Variants in ALDOB observed in about 807,000 individuals in gnomAD.
ALDOB encodes the protein fructose-bisphosphate aldolase B.
Under a neutral mutation model 41.0 loss-of-function variants are expected in ALDOB, and 39 were observed. The ratio of observed to expected loss-of-function variants is 0.95; its 90% CI spans 0.74 to 1.24. The LOEUF is 1.24. Ranked by LOEUF, ALDOB falls within the 50% of genes most tolerant of loss-of-function variation. The pLI is 0.00. For synonymous variants in ALDOB, 175 were observed against 168.8 expected, an observed-to-expected ratio of 1.04 and a Z score of -0.28; for missense variants, 530 against 457.3, an observed-to-expected ratio of 1.16 and a Z score of -1.45.
rs772436722 is a variant in ALDOB at position 101,429,883 on chromosome 9, C to A, written c.196G>T (p.Val66Leu). The change falls in exon 3 of 9, where the codon GTG becomes TTG. Residue 66 changes from valine to leucine, a missense_variant. Coordinates refer to ENST00000647789, the MANE Select transcript of ALDOB (RefSeq NM_000035.4). Reference sequence around the variant, plus strand: ...ATGCTCTGGTTGATGGAACTGTCCACAGAGAAGAGGATTTCTCGGAACTGC... The same window carrying A: ...ATGCTCTGGTTGATGGAACTGTCCAAAGAGAAGAGGATTTCTCGGAACTGC... ...RRQFREILFS[V>L]DSSINQSIGG... 1.2e-6 allele frequency: 2 copies of A among 1,614,006 alleles called. No individual in the cohort carries two copies. Among genetic ancestry groups the A allele is most frequent in the African/African-American group, 2.7e-5 (2 of 74,900 alleles).
At chr9:101,431,026 G>A (rs1339415056) in intron 1 of ALDOB, 129 bp from the exon 2 acceptor site, 4 of 711,614 alleles carry the variant, frequency 5.6e-6, no homozygotes, top group Non-Finnish European at 1.0e-5. Context: ...TTCCACAGGT[G>A]GATAAGCAAA....
intron 4 of ALDOB, 24 bp from the exon 5 acceptor site, chr9:101,427,666 G>A (rs1182437292): frequency 6.2e-7 from 1 of 1,613,590 alleles, no homozygotes; most frequent in Admixed American, 1.7e-5. Context: ...AAGAGAGAAA[G>A]GCTTCTTTGT....
chr9:101,428,194 T>C (rs1026807942), intron 4 of ALDOB, among the ~76,000 whole-genome samples: 14 of 152,182 alleles, frequency 9.2e-5, no homozygotes, highest in African/African-American at 3.4e-4. Context: ...TTGTCCAAGG[T>C]ACTGTGGTAA....
chr9:101,424,393 T>C (rs749805245), intron 8 of ALDOB, among the ~76,000 whole-genome samples: 6 of 152,158 alleles, frequency 3.9e-5, no homozygotes, highest in Non-Finnish European at 5.9e-5. Flanking sequence ...TACTCCAGCC[T>C]GGGTGACAGA....
At chr9:101,428,318 G>A in intron 4 of ALDOB, 151 bp downstream of exon 4, 3 of 753,754 alleles carry the variant, frequency 4.0e-6, no homozygotes, top group Non-Finnish European at 7.2e-6. Context: ...GGTCACAGTT[G>A]TTAAATGGAG....
intron 5 of ALDOB, among the ~76,000 whole-genome samples, 159 bp downstream of exon 5, chr9:101,427,323 C>T (rs1280128311): frequency 6.6e-6 from 1 of 152,150 alleles, no homozygotes; most frequent in East Asian, 1.9e-4. Context: ...CAAATCTTTC[C>T]CTACCACAGT....
intron 5 of ALDOB, among the ~76,000 whole-genome samples, chr9:101,426,897 T>C (rs1831138629): frequency 2.0e-5 from 3 of 152,184 alleles, no homozygotes; most frequent in Admixed American, 2.0e-4. Flanking sequence ...TAAGCATAAA[T>C]CATTAAGAAA....
chr9:101,428,381 G>C, intron 4 of ALDOB, 88 bp downstream of exon 4: 1 of 1,196,218 alleles, frequency 8.4e-7, no homozygotes, highest in Non-Finnish European at 1.3e-6. Flanking sequence ...TGTAATAGTT[G>C]TGTTTTGTTT....
Position 101,425,577 on chromosome 9 carries a change from C to A in ALDOB, c.675G>T (p.Glu225Asp), listed in dbSNP as rs1305959259. 6 of 1,613,978 alleles carry A rather than the reference C, an allele frequency of 3.7e-6. No homozygotes were observed. The highest frequency in any genetic ancestry group is 5.1e-6 in the Non-Finnish European group (6 of 1,180,026). ...KALNDHHVYLEGTLLKPNMVT... is the reference protein window; with the variant it reads ...KALNDHHVYLDGTLLKPNMVT... Reference sequence around the variant, plus strand: ...CCATGTTGGGCTTTAGCAGGGTGCCCTCCAGGTAAACATGATGGTCATTCA... The same window carrying A: ...CCATGTTGGGCTTTAGCAGGGTGCCATCCAGGTAAACATGATGGTCATTCA... The change falls in exon 7 of 9, where the codon GAG becomes GAT. Residue 225 changes from glutamate (E) to aspartate (D), a missense_variant. Coordinates refer to ENST00000647789, the MANE Select transcript of ALDOB (RefSeq NM_000035.4).
chr9:101,422,002 A>C (rs768970174), intron 8 of ALDOB, 98 bp from the exon 9 acceptor site: 70 of 1,008,496 alleles, frequency 6.9e-5, no homozygotes, highest in Non-Finnish European at 9.9e-5. Flanking sequence ...ACCTTCACTC[A>C]GATTTTCTTC....
In ALDOB at chr9:101,429,914, G is replaced by T. The variant is rs759273480; in HGVS notation, c.165C>A (p.Asn55Lys). The change falls in exon 3 of 9, where the codon AAC becomes AAA. Residue 55 changes from asparagine (N) to lysine (K), a missense_variant. Physicochemically the swap from Asn to Lys is moderately conservative, Grantham distance 94 (BLOSUM62 0). Coordinates refer to ENST00000647789, the MANE Select transcript of ALDOB (RefSeq NM_000035.4). ...AGAGGATTTCTCGGAACTGCCGGCG[G>T]TTCTCTTCAGTGTTTTCCACCTTGA... ...QRIKVENTEE[N>K]RRQFREILFS... The T allele has an allele frequency of 1.2e-6, 2 of 1,614,102 alleles. No homozygotes were observed. Among genetic ancestry groups the T allele is most frequent in the Non-Finnish European group, 1.7e-6 (2 of 1,180,032 alleles).
intron 1 of ALDOB, among the ~76,000 whole-genome samples, chr9:101,434,551 C>A (rs887246268): frequency 2.0e-5 from 3 of 152,166 alleles, no homozygotes; most frequent in Admixed American, 6.5e-5. Flanking sequence ...ATTGATAGCC[C>A]ATGATTTCTA....
chr9:101,430,202 C>T (rs907363743), intron 2 of ALDOB, among the ~76,000 whole-genome samples: 3 of 152,198 alleles, frequency 2.0e-5, no homozygotes, highest in Non-Finnish European at 2.9e-5. Flanking sequence ...AAGCCACCCT[C>T]AGGTCCAGGT....
intron 8 of ALDOB, among the ~76,000 whole-genome samples, chr9:101,424,540 A>G (rs1163016713): frequency 6.6e-6 from 1 of 152,128 alleles, no homozygotes; most frequent in Non-Finnish European, 1.5e-5. Flanking sequence ...TCTCTTCTTC[A>G]TCTTCCCAAA....
At position 101,421,797 on chromosome 9, in the gene ALDOB, G is replaced by A. The variant is rs201867948; in HGVS notation, c.*12C>T. 1,807 of 1,612,230 alleles carry A rather than the reference G, an allele frequency of 1.1e-3. 24 individuals carry two copies. Among genetic ancestry groups the A allele is most frequent in the Middle Eastern group, 5.9e-3 (36 of 6,058 alleles). Reference sequence around the variant, plus strand: ...CTAGAAGCACTGGAGCTAGGCTGGCGGGCATTGGACCCTAGTAGGTATAGC... The same window carrying A: ...CTAGAAGCACTGGAGCTAGGCTGGCAGGCATTGGACCCTAGTAGGTATAGC... On this transcript the variant is annotated 3_prime_UTR_variant, in exon 9 of 9. Transcript: ENST00000647789.
rs1227840387 is a variant in ALDOB, at chr9:101,428,505, G to T, written c.343C>A (p.Pro115Thr). Residue 115 changes from proline to threonine, a missense_variant, in exon 4 of 9, where the codon CCT becomes ACT. By Grantham distance (38) the Pro-to-Thr change is conservative (BLOSUM62 -1). Transcript: ENST00000647789. ...VGIKLDQGGAPLAGTNKETTI... is the reference protein window; with the variant it reads ...VGIKLDQGGATLAGTNKETTI... ...GTTTCTTTGTTTGTTCCTGCAAGAG[G>T]AGCACCTCCTTGGTCTAACTGTGGA... 6.2e-7 allele frequency: 1 copy of T among 1,613,860 alleles called. No homozygotes were observed. Among genetic ancestry groups the T allele is most frequent in the African/African-American group, 1.3e-5 (1 of 74,914 alleles).
chr9:101,430,373 C>G (rs1019688929), intron 2 of ALDOB, among the ~76,000 whole-genome samples: 2 of 152,196 alleles, frequency 1.3e-5, no homozygotes, highest in African/African-American at 2.4e-5. Flanking sequence ...CTTGTGCCAT[C>G]CTGAGGTTCT....
intron 8 of ALDOB, 148 bp downstream of exon 8, chr9:101,424,695 C>T: frequency 1.1e-6 from 1 of 906,730 alleles, no homozygotes; most frequent in Non-Finnish European, 1.8e-6. Context: ...AATCCTCATA[C>T]TGACCTCTAC....
At chr9:101,423,565 C>G (rs932665665) in intron 8 of ALDOB, among the ~76,000 whole-genome samples, 2 of 152,188 alleles carry the variant, frequency 1.3e-5, no homozygotes, top group Non-Finnish European at 2.9e-5. Flanking sequence ...TCAGCAGATA[C>G]CCTCAACTGT....
Sources: gnomAD v4.1 joint callset for allele counts (sites outside exome capture counted in the v4.1 genomes callset) on GRCh38, gnomAD v4.1.1 for gene constraint, MANE v1.5 for transcripts, NCBI Gene and HGNC (gene_info 2026-07-23, HGNC 2026-07-21) for gene names.